MRPL15: variants seen among roughly 807,000 people sequenced by gnomAD.
MRPL15 encodes mitochondrial ribosomal protein L15, also known as large ribosomal subunit protein uL15m.
Under a neutral mutation model 28.0 loss-of-function variants are expected in MRPL15, and 24 were observed. That is an observed-to-expected ratio of 0.86 (90% CI 0.62 to 1.21). MRPL15 has a LOEUF of 1.21. Among genes scored for constraint, MRPL15 ranks in the 50% most tolerant of loss-of-function variants. The probability of loss-of-function intolerance (pLI) is 0.00; values close to 1 mark genes in which losing one functional copy is unlikely to be tolerated. For synonymous variants in MRPL15, 124 were observed against 137.0 expected (o/e 0.90, Z 0.66); for missense variants, 343 against 372.4 (o/e 0.92, Z 0.65).
At chr8:54,141,524 G>T (rs1016569317) in intron 3 of MRPL15, among the ~76,000 whole-genome samples, 2 of 152,020 alleles carry the variant, frequency 1.3e-5, no homozygotes, top group African/African-American at 4.8e-5. Context: ...GTAAAACAAG[G>T]TAGCCTAAAT....
chr8:54,141,659 A>G (rs1810928444), intron 3 of MRPL15, among the ~76,000 whole-genome samples: 1 of 152,182 alleles, frequency 6.6e-6, no homozygotes, highest in Non-Finnish European at 1.5e-5. Flanking sequence ...TCAAGTCTCT[A>G]AGATGGCCTA....
intron 4 of MRPL15, among the ~76,000 whole-genome samples, chr8:54,143,179 C>G (rs1280901243): frequency 6.6e-6 from 1 of 152,058 alleles, no homozygotes; most frequent in African/African-American, 2.4e-5. Context: ...CTCCCAGGTT[C>G]AAGCGATTCT....
intron 3 of MRPL15, among the ~76,000 whole-genome samples, chr8:54,140,773 A>G (rs1444173297): frequency 2.0e-5 from 3 of 151,726 alleles, no homozygotes; most frequent in Non-Finnish European, 4.4e-5. Context: ...TAGTAGAGAC[A>G]GGGTTTCACC....
chr8:54,137,577 C>T (rs1267815754), intron 3 of MRPL15, 144 bp downstream of exon 3: 1 of 701,704 alleles, frequency 1.4e-6, no homozygotes, highest in Non-Finnish European at 2.3e-6. Context: ...ATTCTCCTGC[C>T]TCAGCCTCCT....
intron 4 of MRPL15, 161 bp downstream of exon 4, chr8:54,142,947 T>C: frequency 9.4e-7 from 1 of 1,066,806 alleles, no homozygotes; most frequent in South Asian, 1.6e-5. Context: ...TACAGCCTGT[T>C]GCTGACACAT....
chr8:54,138,199 C>T (rs1293051870), intron 3 of MRPL15, among the ~76,000 whole-genome samples: 2 of 151,100 alleles, frequency 1.3e-5, no homozygotes, highest in African/African-American at 4.9e-5. Flanking sequence ...CGTGATCCAC[C>T]CACCTTGGCC....
chr8:54,144,005 C>T (rs1232749573), intron 4 of MRPL15, among the ~76,000 whole-genome samples: 1 of 151,928 alleles, frequency 6.6e-6, no homozygotes, highest in Non-Finnish European at 1.5e-5. Flanking sequence ...TGCACACGCA[C>T]ACACGCACAG....
intron 3 of MRPL15, among the ~76,000 whole-genome samples, chr8:54,141,400 T>C (rs1810923822): frequency 6.6e-6 from 1 of 152,140 alleles, no homozygotes. Flanking sequence ...AATCCTATCA[T>C]AAGGTTGTTA....
At chr8:54,141,931 C>T (rs1810933937) in intron 3 of MRPL15, among the ~76,000 whole-genome samples, 1 of 148,736 alleles carries the variant, frequency 6.7e-6, no homozygotes, top group Non-Finnish European at 1.5e-5. Context: ...CAGCTCACTG[C>T]AGCCTCTGCC....
In MRPL15 at chr8:54,147,782, T is replaced by G; in HGVS notation, c.*63T>G. The G allele has an allele frequency of 7.3e-7, 1 of 1,371,882 alleles. No individual in the cohort carries two copies. Among genetic ancestry groups the G allele is most frequent in the Non-Finnish European group, 9.9e-7 (1 of 1,007,288 alleles). 85.0% of individuals were successfully genotyped at this position (1,371,882 alleles called of 1,614,324 possible). On this transcript the variant is annotated 3_prime_UTR_variant, in exon 5 of 5. Coordinates refer to ENST00000260102, the MANE Select transcript of MRPL15 (RefSeq NM_014175.4). ...GGAATAGGGGCTGAAGGATCTATAT[T>G]CCCTTATTGCATTTTCCTTATGTAT...
chr8:54,146,093 A>G (rs1395880632), intron 4 of MRPL15, among the ~76,000 whole-genome samples: 1 of 152,258 alleles, frequency 6.6e-6, no homozygotes, highest in Non-Finnish European at 1.5e-5. Context: ...AAACAGCCAG[A>G]GGCTAGTGTT....
chr8:54,135,673 C>T (rs906835887), intron 1 of MRPL15, among the ~76,000 whole-genome samples: 6 of 151,026 alleles, frequency 4.0e-5, no homozygotes, highest in Non-Finnish European at 8.9e-5. Flanking sequence ...TACAGGCGCC[C>T]GCCATCACGC....
At chr8:54,145,546 T>C (rs1027586967) in intron 4 of MRPL15, among the ~76,000 whole-genome samples, 3 of 151,978 alleles carry the variant, frequency 2.0e-5, no homozygotes, top group Admixed American at 6.6e-5. Flanking sequence ...GCAGTTCCAC[T>C]CACTGCAATC....
At chr8:54,141,576 A>G (rs1810926747) in intron 3 of MRPL15, among the ~76,000 whole-genome samples, 1 of 152,190 alleles carries the variant, frequency 6.6e-6, no homozygotes, top group Non-Finnish European at 1.5e-5. Flanking sequence ...AAGCAGAGAT[A>G]TTTAAAATAG....
intron 4 of MRPL15, among the ~76,000 whole-genome samples, chr8:54,143,204 C>T (rs534386811): frequency 2.6e-5 from 4 of 152,220 alleles, no homozygotes; most frequent in African/African-American, 4.8e-5. Flanking sequence ...TCTCAGTCAC[C>T]GGAGTAGCTG....
intron 3 of MRPL15, among the ~76,000 whole-genome samples, chr8:54,140,866 G>A (rs1451567354): frequency 3.3e-5 from 5 of 151,634 alleles, no homozygotes; most frequent in Admixed American, 1.3e-4. Context: ...ACAGGCGTGA[G>A]CCACTGCGCC....
rs748564676 is a variant in MRPL15 at position 54,135,308 on chromosome 8, G to T, written c.25G>T (p.Gly9Trp). The change falls in exon 1 of 5, where the codon GGG becomes TGG. Residue 9 changes from glycine (G) to tryptophan (W), a missense_variant. Coordinates refer to ENST00000260102, the MANE Select transcript of MRPL15 (RefSeq NM_014175.4). ...TATGGCCGGTCCCTTGCAGGGCGGT[G>T]GGGCCCGGGCCCTGGACCTACTCCG... MAGPLQGG[G>W]ARALDLLRGL... 25 of 1,416,774 alleles carry T rather than the reference G, an allele frequency of 1.8e-5. No homozygotes were observed. In the East Asian group the frequency reaches 7.2e-4, roughly 41 times the overall value. 87.8% of individuals were successfully genotyped at this position (1,416,774 alleles called of 1,614,324 possible).
intron 4 of MRPL15, 173 bp downstream of exon 4, chr8:54,142,959 C>T (rs1222448480): frequency 2.1e-6 from 2 of 949,804 alleles, no homozygotes; most frequent in East Asian, 5.4e-5. Context: ...CTGACACATA[C>T]ACCAAGGGCA....
intron 3 of MRPL15, among the ~76,000 whole-genome samples, chr8:54,137,665 T>C (rs993627942): frequency 1.3e-5 from 2 of 152,158 alleles, no homozygotes; most frequent in African/African-American, 4.8e-5. Context: ...GGTTTCACTA[T>C]GTTGGCCAGG....
Sources: gnomAD v4.1 joint callset for allele counts (sites outside exome capture counted in the v4.1 genomes callset) on GRCh38, gnomAD v4.1.1 for gene constraint, MANE v1.5 for transcripts, NCBI Gene and HGNC (gene_info 2026-07-23, HGNC 2026-07-21) for gene names.